The following CD28 variants were observed in gnomAD, a reference collection of about 807,000 sequenced individuals.
The protein encoded by CD28 is T-cell-specific surface glycoprotein CD28.
In CD28, 8 loss-of-function variants were observed where a neutral mutation model predicts 21.4. The ratio of observed to expected loss-of-function variants is 0.37; its 90% CI spans 0.22 to 0.68. CD28 has a LOEUF of 0.68. Among genes scored for constraint, CD28 ranks in the 30% least tolerant of loss-of-function variants. The pLI is 0.55. For missense variants in CD28, 239 were observed against 272.2 expected (o/e 0.88, Z 0.86); for synonymous variants, 106 against 104.0 (o/e 1.02, Z -0.12).
At chr2:203,721,252 T>C (rs1693598073) in intron 1 of CD28, among the ~76,000 whole-genome samples, 1 of 152,236 alleles carries the variant, frequency 6.6e-6, no homozygotes. Flanking sequence ...AATGGCCTTA[T>C]CGAAAACAAA....
At chr2:203,721,726 A>G (rs1581507881) in intron 1 of CD28, among the ~76,000 whole-genome samples, 2 of 152,220 alleles carry the variant, frequency 1.3e-5, no homozygotes, top group Middle Eastern at 3.4e-3. Context: ...TGTGCAGATC[A>G]CTGTGTCACT....
chr2:203,714,483 G>A (rs555196624), intron 1 of CD28, among the ~76,000 whole-genome samples: 1 of 149,492 alleles, frequency 6.7e-6, no homozygotes, highest in Non-Finnish European at 1.5e-5. Flanking sequence ...AGGCCAGTCC[G>A]CTATTCTTTT....
At position 203,738,405 on chromosome 2, in the gene CD28, C is replaced by G. The variant is rs1242219793; in HGVS notation, c.*3493C>G. ...CCAATAAAGGACCCAGAACCAGGAT[C>G]TTGATTGCTATAGACTTATTAATAA... On this transcript the variant is annotated 3_prime_UTR_variant, in exon 4 of 4. Transcript: ENST00000324106. 3.9e-5 allele frequency: 6 copies of G among 152,198 alleles called. No homozygotes were observed. The allele number at this position is 152,198 out of a possible 1,614,324, so 9.4% of individuals were successfully genotyped here.
intron 3 of CD28, among the ~76,000 whole-genome samples, chr2:203,733,690 G>A (rs1235946341): frequency 6.6e-6 from 1 of 152,158 alleles, no homozygotes; most frequent in Non-Finnish European, 1.5e-5. Flanking sequence ...TAAAAACTGG[G>A]ATGTCATAGA....
intron 1 of CD28, among the ~76,000 whole-genome samples, chr2:203,717,002 A>C (rs1478687343): frequency 6.6e-6 from 1 of 151,904 alleles, no homozygotes; most frequent in African/African-American, 2.4e-5. Flanking sequence ...AGGTACCCCC[A>C]CACCCAGCTA....
chr2:203,736,672 G>A lies in CD28; in HGVS notation c.*1760G>A, dbSNP rs201132788. The A allele has an allele frequency of 6.6e-6, 1 of 152,170 alleles. No individual in the cohort carries two copies. The highest frequency in any genetic ancestry group is 1.5e-5 in the Non-Finnish European group (1 of 68,052). 9.4% of individuals were successfully genotyped at this position (152,170 alleles called of 1,614,324 possible). On this transcript the variant is annotated 3_prime_UTR_variant, in exon 4 of 4. Transcript: ENST00000324106. ...TTTGTTCATGCTTCAGTTAATTCAG[G>A]TGTTGAAGGAGCTTAGGTTTTAGAG...
At chr2:203,718,466 T>C (rs1271685910) in intron 1 of CD28, among the ~76,000 whole-genome samples, 2 of 152,318 alleles carry the variant, frequency 1.3e-5, no homozygotes, top group African/African-American at 4.8e-5. Flanking sequence ...CAGGGCAAAA[T>C]GGCTGAAAGT....
At chr2:203,727,539 G>T (rs1385477187) in intron 2 of CD28, among the ~76,000 whole-genome samples, 1 of 151,138 alleles carries the variant, frequency 6.6e-6, no homozygotes, top group East Asian at 1.9e-4. Flanking sequence ...GAGTGCAGTG[G>T]CGGGATCTCA....
At chr2:203,707,364 C>T (rs1225583935) in intron 1 of CD28, among the ~76,000 whole-genome samples, 3 of 152,004 alleles carry the variant, frequency 2.0e-5, no homozygotes, top group Non-Finnish European at 4.4e-5. Context: ...ATAAACCTCA[C>T]CTCAAGGTCA....
intron 1 of CD28, among the ~76,000 whole-genome samples, chr2:203,722,656 A>T (rs1693632770): frequency 6.6e-6 from 1 of 152,272 alleles, no homozygotes; most frequent in Non-Finnish European, 1.5e-5. Context: ...GGAAATGCAC[A>T]TGAATCCAAA....
intron 2 of CD28, 31 bp downstream of exon 2, chr2:203,727,020 T>TA: frequency 7.4e-7 from 1 of 1,347,546 alleles, no homozygotes; most frequent in South Asian, 1.2e-5. Context: ...TGTACCACCC[T>TA]AAAGTAATGG....
At chr2:203,731,373 A>T (rs893029510) in intron 3 of CD28, among the ~76,000 whole-genome samples, 20 of 152,066 alleles carry the variant, frequency 1.3e-4, no homozygotes, top group Non-Finnish European at 2.4e-4. Context: ...TTTCTTCTTA[A>T]TCTCTGGCCA....
intron 1 of CD28, among the ~76,000 whole-genome samples, chr2:203,711,475 G>T (rs1457489133): frequency 1.3e-5 from 2 of 152,200 alleles, no homozygotes; most frequent in Non-Finnish European, 2.9e-5. Flanking sequence ...CTGCAAGGTG[G>T]TGGAGAAGTT....
rs1694085990 is a variant in CD28, at chr2:203,738,105, T to C, written c.*3193T>C. The C allele has an allele frequency of 6.6e-6, 1 of 152,172 alleles. No individual in the cohort carries two copies. The highest frequency in any genetic ancestry group is 6.5e-5 in the Admixed American group (1 of 15,274). 9.4% of individuals were successfully genotyped at this position (152,172 alleles called of 1,614,324 possible). A position where few individuals can be genotyped will look rare whatever the true frequency, so the allele number is the denominator to read the frequency against. ...CTTATCAGACCAATGGCTGACCTCT[T>C]TGAGATGTCAGGCTAGGCTTACCTA... On this transcript the variant is annotated 3_prime_UTR_variant, in exon 4 of 4. Transcript: ENST00000324106.
intron 1 of CD28, among the ~76,000 whole-genome samples, chr2:203,712,187 G>A (rs913852076): frequency 8.7e-5 from 11 of 126,984 alleles, no homozygotes; most frequent in African/African-American, 3.0e-5. Flanking sequence ...GCGAGATTCC[G>A]TCTCAACAAC....
chr2:203,734,697 A>C, intron 3 of CD28, 87 bp from the exon 4 acceptor site: 1 of 1,500,012 alleles, frequency 6.7e-7, no homozygotes, highest in Non-Finnish European at 9.3e-7. Flanking sequence ...GTCATTTGAC[A>C]GTTAATATTA....
rs1280557485 is a variant in CD28, at chr2:203,737,319, A to G, written c.*2407A>G. 1 of 152,224 alleles carries G rather than the reference A, an allele frequency of 6.6e-6. No individual in the cohort carries two copies. The highest frequency in any genetic ancestry group is 2.4e-5 in the African/African-American group (1 of 41,466). 9.4% of individuals were successfully genotyped at this position (152,224 alleles called of 1,614,324 possible). ...TTGGATTTACCCTGGCACGTGTGCC[A>G]CTTGCCAGCTTCTTGGGCACACAGA... On this transcript the variant is annotated 3_prime_UTR_variant, in exon 4 of 4. Coordinates refer to ENST00000324106, the MANE Select transcript of CD28 (RefSeq NM_006139.4).
At position 203,706,664 on chromosome 2, in the gene CD28, G is replaced by A. The variant is rs202158561; in HGVS notation, c.-33G>A. The A allele has an allele frequency of 3.5e-5, 56 of 1,613,904 alleles. No homozygotes were observed. The highest frequency in any genetic ancestry group is 3.3e-4 in the Middle Eastern group (2 of 6,084). ...ACACTTCGGGTTCCTCGGGGAGGAG[G>A]GGCTGGAACCCTAGCCCATCGTCAG... On this transcript the variant is annotated 5_prime_UTR_variant, in exon 1 of 4. Coordinates refer to ENST00000324106, the MANE Select transcript of CD28 (RefSeq NM_006139.4).
rs201620971 is a variant in CD28, at chr2:203,735,272, C to A, written c.*360C>A. The A allele has an allele frequency of 1.9e-5, 4 of 212,864 alleles. No individual in the cohort carries two copies. The Admixed American group carries it at 2.2e-4, about 12-fold the overall frequency. 13.2% of individuals were successfully genotyped at this position (212,864 alleles called of 1,614,324 possible). On this transcript the variant is annotated 3_prime_UTR_variant, in exon 4 of 4. Transcript: ENST00000324106. ...ATCTCAGTCAAGCAAAGTGTGGTATCCACAGACATTTTAGTTGCAGAAGAA... is the reference window on the plus strand; with the variant it reads ...ATCTCAGTCAAGCAAAGTGTGGTATACACAGACATTTTAGTTGCAGAAGAA...
Sources: allele counts gnomAD v4.1 joint callset (sites outside exome capture counted in the v4.1 genomes callset), GRCh38; gene constraint gnomAD v4.1.1; transcripts MANE v1.5; gene names NCBI Gene and HGNC (gene_info 2026-07-23, HGNC 2026-07-21).